The following PCDHA1 variants were observed in gnomAD, a reference collection of about 807,000 sequenced individuals.
PCDHA1 encodes the protein protocadherin alpha 1, also known as protocadherin alpha-1.
PCDHA1 carries 42 observed loss-of-function variants against 61.3 expected under a neutral mutation model. That is an observed-to-expected ratio of 0.69 (90% CI 0.54 to 0.89). PCDHA1 has a LOEUF of 0.89. PCDHA1 is among the 40% of genes least tolerant of loss of function. The pLI, the probability that PCDHA1 is intolerant of heterozygous loss-of-function variation, is 0.00. For synonymous variants in PCDHA1, 610 were observed against 553.8 expected (o/e 1.10, Z -1.43); for missense variants, 1,256 against 1,235.3 (o/e 1.02, Z -0.25).
Position 140,787,525 on chromosome 5 carries a change from C to T in PCDHA1, c.1235C>T (p.Ala412Val). The T allele has an allele frequency of 6.2e-7, 1 of 1,614,210 alleles. No individual in the cohort carries two copies. Among genetic ancestry groups the T allele is most frequent in the Admixed American group, 1.7e-5 (1 of 60,032 alleles). Residue 412 changes from alanine to valine, a missense_variant, in exon 1 of 4, where the codon GCC becomes GTC. Ala to Val is a moderately conservative substitution (Grantham distance 64, BLOSUM62 0). Transcript: ENST00000504120. ...KNYYSLVLDS[A>V]LDRESLSVYE... ...TACTACTCGTTGGTGTTGGACAGCG[C>T]CCTGGATCGCGAGAGCCTGTCGGTC...
At chr5:140,795,936 C>A in intron 1 of PCDHA1, 1 of 1,614,034 alleles carries the variant, frequency 6.2e-7, no homozygotes, top group Non-Finnish European at 8.5e-7. Flanking sequence ...CTGCAACTGA[C>A]AAAGGAACCC....
chr5:140,805,894 A>G (rs1763647869), intron 1 of PCDHA1, among the ~76,000 whole-genome samples: 1 of 152,176 alleles, frequency 6.6e-6, no homozygotes, highest in African/African-American at 2.4e-5. Context: ...GGAAGCAAAC[A>G]TTTTCTGCAG....
At chr5:140,858,175 G>A in intron 1 of PCDHA1, 2 of 1,597,716 alleles carry the variant, frequency 1.3e-6, no homozygotes, top group Non-Finnish European at 1.7e-6. Flanking sequence ...CCAGCTTGCT[G>A]GTGCTCACGC....
chr5:140,905,864 A>C (rs265313), intron 1 of PCDHA1, among the ~76,000 whole-genome samples: 7,097 of 152,260 alleles, frequency 0.047, 295 homozygotes, highest in African/African-American at 0.11. Context: ...AACTCACACA[A>C]TCACAAGGCC....
chr5:140,837,381 G>T (rs183895134), intron 1 of PCDHA1, among the ~76,000 whole-genome samples: 1 of 151,662 alleles, frequency 6.6e-6, no homozygotes, highest in Non-Finnish European at 1.5e-5. Flanking sequence ...TTTTTATTTT[G>T]TTCCTTGTTT....
chr5:140,966,837 T>C, intron 1 of PCDHA1: 1 of 1,566,152 alleles, frequency 6.4e-7, no homozygotes. Context: ...CCCTGGCTGC[T>C]GCTACTGCCT....
chr5:140,849,833 C>A, intron 1 of PCDHA1: 1 of 1,598,398 alleles, frequency 6.3e-7, no homozygotes, highest in South Asian at 1.1e-5. Context: ...TGGAGGTGGC[C>A]GACGTGAACG....
intron 1 of PCDHA1, among the ~76,000 whole-genome samples, chr5:140,832,783 G>T (rs1772149172): frequency 6.6e-6 from 1 of 152,148 alleles, no homozygotes; most frequent in Non-Finnish European, 1.5e-5. Flanking sequence ...GTGCTAGAAA[G>T]GTACATCATA....
chr5:140,955,468 T>C (rs1394591179), intron 1 of PCDHA1, among the ~76,000 whole-genome samples: 1 of 152,116 alleles, frequency 6.6e-6, no homozygotes, highest in Non-Finnish European at 1.5e-5. Context: ...TCCTTTTTGC[T>C]TGGCACCTCT....
At chr5:140,946,506 A>G (rs1231345135) in intron 1 of PCDHA1, among the ~76,000 whole-genome samples, 1 of 151,616 alleles carries the variant, frequency 6.6e-6, no homozygotes, top group Non-Finnish European at 1.5e-5. Context: ...CAGTATGTCA[A>G]AGACCTATCC....
At position 140,841,885 on chromosome 5, in the gene PCDHA1, G is replaced by A. The variant is rs2150324724; in HGVS notation, c.2394+53201G>A. The A allele has an allele frequency of 1.5e-5, 24 of 1,613,684 alleles. 1 individual carries two copies. In the African/African-American group the frequency reaches 2.7e-4, roughly 18 times the overall value. On this transcript the variant is annotated intron_variant, in intron 1 of 3. Coordinates refer to ENST00000504120, the MANE Select transcript of PCDHA1 (RefSeq NM_018900.4). ...TAGATGTGAATTCAAAGAACGATGA[G>A]AATAAACTGGTTGAGCTCGTATTAA...
At chr5:140,968,162 C>A in intron 1 of PCDHA1, 1 of 1,614,122 alleles carries the variant, frequency 6.2e-7, no homozygotes, top group East Asian at 2.2e-5. Flanking sequence ...CAATGACAAT[C>A]CACCAAGCTT....
intron 1 of PCDHA1, among the ~76,000 whole-genome samples, chr5:140,924,841 G>C (rs891279703): frequency 1.1e-4 from 17 of 151,378 alleles, no homozygotes; most frequent in South Asian, 2.1e-4. Context: ...GTTGCAGGGA[G>C]CTCAGATCGT....
rs782703183 is a variant in PCDHA1 at position 140,882,765 on chromosome 5, C to A, written c.2394+94081C>A. On this transcript the variant is annotated intron_variant, in intron 1 of 3. Transcript: ENST00000504120. ...TCCGATGCAGATATTGGAGTAAACT[C>A]GGCATTGACCTACCGACTGGATCCC... 1.5e-5 allele frequency: 25 copies of A among 1,614,104 alleles called. No individual in the cohort carries two copies. In the South Asian group the frequency reaches 2.7e-4, roughly 18 times the overall value.
chr5:140,903,498 T>C (rs1205249543), intron 1 of PCDHA1, among the ~76,000 whole-genome samples: 2 of 152,320 alleles, frequency 1.3e-5, no homozygotes, highest in East Asian at 1.9e-4. Context: ...GCAGGTACCA[T>C]AGATAATAGT....
intron 1 of PCDHA1, chr5:140,841,180 T>C (rs1240672085): frequency 8.7e-7 from 1 of 1,146,740 alleles, no homozygotes; most frequent in Non-Finnish European, 1.2e-6. Flanking sequence ...TGGTCAATGT[T>C]CAAAGTCTTT....
At chr5:140,829,720 G>T (rs2150173361) in intron 1 of PCDHA1, 2 of 1,613,502 alleles carry the variant, frequency 1.2e-6, no homozygotes, top group East Asian at 2.2e-5. Context: ...CGGGCGTGCC[G>T]CCTCTGGGCA....
intron 1 of PCDHA1, chr5:140,877,223 C>G: frequency 6.2e-7 from 1 of 1,613,714 alleles, no homozygotes; most frequent in Non-Finnish European, 8.5e-7. Flanking sequence ...GTACCGCGGT[C>G]GGTGGGTGCG....
At chr5:140,996,087 G>C (rs1178912945) in intron 3 of PCDHA1, among the ~76,000 whole-genome samples, 3 of 152,200 alleles carry the variant, frequency 2.0e-5, no homozygotes, top group Non-Finnish European at 4.4e-5. Flanking sequence ...GTTTTTGCTA[G>C]ATTACATGGA....
Sources: gnomAD v4.1 joint callset for allele counts (sites outside exome capture counted in the v4.1 genomes callset) on GRCh38, gnomAD v4.1.1 for gene constraint, MANE v1.5 for transcripts, NCBI Gene and HGNC (gene_info 2026-07-23, HGNC 2026-07-21) for gene names.